Variants in VIPR2 observed in about 807,000 individuals in gnomAD.
The protein encoded by VIPR2 is vasoactive intestinal polypeptide receptor 2.
In VIPR2, 48 loss-of-function variants were observed where a neutral mutation model predicts 58.0. The observed-to-expected ratio is 0.83, with a 90% CI of 0.66 to 1.05. The LOEUF is 1.05. Ranked by LOEUF, VIPR2 falls within the 50% of genes least tolerant of loss-of-function variation. The pLI is 0.00. For missense variants in VIPR2, 534 were observed against 558.0 expected, an observed-to-expected ratio of 0.96 and a Z score of 0.43; for synonymous variants, 243 against 235.2, an observed-to-expected ratio of 1.03 and a Z score of -0.30.
At chr7:159,054,603 C>T (rs1855197466) in intron 5 of VIPR2, among the ~76,000 whole-genome samples, 2 of 152,158 alleles carry the variant, frequency 1.3e-5, no homozygotes, top group Non-Finnish European at 1.5e-5. Flanking sequence ...TAAATTAAAA[C>T]ACCGTTCTAT....
rs1853918187 is a variant in VIPR2 at position 159,035,943 on chromosome 7, T to C, written c.809+9A>G. 7 of 1,613,226 alleles carry C rather than the reference T, an allele frequency of 4.3e-6. No individual in the cohort carries two copies. Among genetic ancestry groups the C allele is most frequent in the South Asian group, 3.3e-5 (3 of 90,966 alleles). ...CGTTTTCGAGGTTGCAGTCTGGTCA[T>C]GGACTCACCCGGTGTCTTCTAAGTA... On this transcript the variant is annotated intron_variant, in intron 8 of 12. Transcript: ENST00000262178.
rs1796713341 is a variant in VIPR2 at position 159,127,898 on chromosome 7, TCAAGG to T, written c.151+14543_151+14547del. Among the ~76,000 whole-genome samples the T allele has an allele frequency of 6.6e-6, 1 of 152,060 alleles. No individual in the cohort carries two copies. Among genetic ancestry groups the T allele is most frequent in the Non-Finnish European group, 1.5e-5 (1 of 68,000 alleles). On this transcript the variant is annotated intron_variant, in intron 2 of 12. Coordinates refer to ENST00000262178, the MANE Select transcript of VIPR2 (RefSeq NM_003382.5). This position sits in a 1 kb window ranked among gnomAD's most constrained non-coding sequence, Gnocchi z 4.6. ...GCGAGGCCTTGGAGAGGGTGAACAT[TCAAGG>T]CCTCAAGGCACGGGGAGTCCTGCCG...
At chr7:159,046,579 T>C (rs1039676361) in intron 5 of VIPR2, among the ~76,000 whole-genome samples, 4 of 151,862 alleles carry the variant, frequency 2.6e-5, no homozygotes, top group Non-Finnish European at 5.9e-5. Flanking sequence ...TTTGGGACAA[T>C]AGGAAGTTCG....
rs938561144 is a variant in VIPR2 at position 159,031,360 on chromosome 7, G to A, written c.1143+468C>T. On this transcript the variant is annotated intron_variant, in intron 12 of 12. Coordinates refer to ENST00000262178, the MANE Select transcript of VIPR2 (RefSeq NM_003382.5). This position sits in a 1 kb window ranked among gnomAD's most constrained non-coding sequence, Gnocchi z 4.0. ...GTCAGGGGACGGGGCCAGGCCGTTGGAGCAGCCCGGAGACAGCCTCCCTGG... is the reference window on the plus strand; with the variant it reads ...GTCAGGGGACGGGGCCAGGCCGTTGAAGCAGCCCGGAGACAGCCTCCCTGG... The A allele has an allele frequency of 4.4e-6, 4 of 903,528 alleles. No individual in the cohort carries two copies. The African/African-American group carries it at 7.2e-5, about 16-fold the overall frequency. The allele number at this position is 903,528 out of a possible 1,614,324, so 56.0% of individuals were successfully genotyped here.
At chr7:159,117,221 C>A in intron 2 of VIPR2, 1 of 674,234 alleles carries the variant, frequency 1.5e-6, no homozygotes, top group South Asian at 1.7e-5. Flanking sequence ...AGGTCCCTTG[C>A]CATCTCAGAC....
At chr7:159,084,287 G>A (rs1244567862) in intron 4 of VIPR2, among the ~76,000 whole-genome samples, 2 of 152,254 alleles carry the variant, frequency 1.3e-5, no homozygotes, top group Non-Finnish European at 2.9e-5. Flanking sequence ...GAGGATGAGA[G>A]TGCTCGGGGC....
At chr7:159,111,993 A>G (rs1403265762) in intron 2 of VIPR2, among the ~76,000 whole-genome samples, 1 of 152,248 alleles carries the variant, frequency 6.6e-6, no homozygotes. Context: ...CCCGGGCGAC[A>G]GAGCGAGACC....
chr7:159,062,598 A>G (rs1855760251), intron 4 of VIPR2, among the ~76,000 whole-genome samples: 2 of 152,194 alleles, frequency 1.3e-5, no homozygotes, highest in South Asian at 2.1e-4. Context: ...TGGTCTTAGG[A>G]GTGAAGCCGC....
intron 4 of VIPR2, among the ~76,000 whole-genome samples, chr7:159,065,477 G>A (rs572921047): frequency 6.6e-6 from 1 of 152,314 alleles, no homozygotes; most frequent in South Asian, 2.1e-4. Flanking sequence ...GTTCTCACAG[G>A]GCTCCGTGAC....
chr7:159,035,484 G>A (rs555971790), intron 8 of VIPR2, among the ~76,000 whole-genome samples: 52 of 152,346 alleles, frequency 3.4e-4, no homozygotes, highest in African/African-American at 1.2e-3. Flanking sequence ...GGAACCACGC[G>A]TGCTCATGTC....
intron 4 of VIPR2, among the ~76,000 whole-genome samples, 165 bp downstream of exon 4, chr7:159,103,592 A>C (rs1858434637): frequency 6.6e-6 from 1 of 152,190 alleles, no homozygotes; most frequent in African/African-American, 2.4e-5. Flanking sequence ...CCAGCAGCAG[A>C]ACGGAAACAG....
At chr7:159,132,913 CAGATTGATTT>C (rs1563355428) in intron 2 of VIPR2, among the ~76,000 whole-genome samples, 161 of 138,448 alleles carry the variant, frequency 1.2e-3, no homozygotes, top group Middle Eastern at 3.6e-3. Flanking sequence ...GATTGGCATA[CAGATTGATTT>C]CAGACAGAAT....
intron 4 of VIPR2, among the ~76,000 whole-genome samples, chr7:159,063,264 A>C (rs899151048): frequency 1.3e-5 from 2 of 152,108 alleles, no homozygotes; most frequent in Non-Finnish European, 2.9e-5. Flanking sequence ...GGTGGGCTGC[A>C]GGTCCCGAGC....
chr7:159,135,040 A>G (rs1303226186), intron 2 of VIPR2, among the ~76,000 whole-genome samples: 1 of 98,724 alleles, frequency 1.0e-5, no homozygotes, highest in Non-Finnish European at 2.0e-5. Flanking sequence ...TAACATTTTA[A>G]GTAATTGGCC....
At chr7:159,130,861 A>T (rs1585558009) in intron 2 of VIPR2, among the ~76,000 whole-genome samples, 1 of 152,310 alleles carries the variant, frequency 6.6e-6, no homozygotes, top group East Asian at 1.9e-4. Context: ...CTCTGTTAAT[A>T]ATCTCCTGGG....
chr7:159,093,262 T>G lies in VIPR2; in HGVS notation c.357+10495A>C, dbSNP rs781099460. On this transcript the variant is annotated intron_variant, in intron 4 of 12. Transcript: ENST00000262178. This position sits in a 1 kb window ranked among gnomAD's most constrained non-coding sequence, Gnocchi z 6.7. The stretch of plus-strand genomic sequence containing the variant: ...ACTTTGTGTGCTCATTTACTTTTCC[T>G]TAGGTTGAGACTGAAAACGTCAACA... Among the ~76,000 whole-genome samples, 30 of 152,198 alleles carry G rather than the reference T, an allele frequency of 2.0e-4. No individual in the cohort carries two copies. Among genetic ancestry groups the G allele is most frequent in the Non-Finnish European group, 1.2e-4 (8 of 68,040 alleles).
intron 5 of VIPR2, among the ~76,000 whole-genome samples, chr7:159,057,189 TTA>T (rs1855374294): frequency 6.6e-6 from 1 of 152,244 alleles, no homozygotes; most frequent in Non-Finnish European, 1.5e-5. Context: ...GCTTACTTCC[TTA>T]AAGTTTTCCT....
At chr7:159,144,265 C>T in intron 1 of VIPR2, 8 of 1,338,886 alleles carry the variant, frequency 6.0e-6, no homozygotes, top group Non-Finnish European at 7.7e-6. Context: ...CTTTATTTAA[C>T]CGACGCCACG....
intron 4 of VIPR2, among the ~76,000 whole-genome samples, chr7:159,078,780 C>T (rs999346489): frequency 3.3e-5 from 5 of 152,168 alleles, no homozygotes; most frequent in East Asian, 1.9e-4. Flanking sequence ...CCCAATTACA[C>T]GTTATCCAGG....
Sources: gnomAD v4.1 joint callset for allele counts (sites outside exome capture counted in the v4.1 genomes callset) on GRCh38, gnomAD v4.1.1 for gene constraint, Gnocchi (gnomAD v3.1) non-coding constraint, MANE v1.5 for transcripts, NCBI Gene and HGNC (gene_info 2026-07-23, HGNC 2026-07-21) for gene names.